The following BRINP1 variants were observed in gnomAD, a reference collection of about 807,000 sequenced individuals.
BRINP1 encodes BMP/retinoic acid inducible neural specific 1.
A neutral mutation model predicts 72.9 loss-of-function variants in BRINP1; 17 were observed. The observed-to-expected ratio is 0.23, with a 90% CI of 0.16 to 0.35. The LOEUF (loss-of-function observed/expected upper bound fraction) is 0.35. Ranked by LOEUF, BRINP1 falls within the 10% of genes least tolerant of loss-of-function variation. The probability of loss-of-function intolerance (pLI) is 1.00; values close to 1 mark genes in which losing one functional copy is unlikely to be tolerated. For synonymous variants in BRINP1, 418 were observed against 378.5 expected (o/e 1.10, Z -1.21); for missense variants, 850 against 1,001.6 (o/e 0.85, Z 2.04).
At chr9:119,343,593 T>C (rs918825032) in intron 1 of BRINP1, among the ~76,000 whole-genome samples, 4 of 152,174 alleles carry the variant, frequency 2.6e-5, no homozygotes, top group Non-Finnish European at 5.9e-5. Context: ...CTACATTTAA[T>C]ACCTTCTTCC....
chr9:119,172,246 A>G (rs567569763), intron 7 of BRINP1, among the ~76,000 whole-genome samples: 3 of 152,332 alleles, frequency 2.0e-5, no homozygotes, highest in Non-Finnish European at 4.4e-5. Flanking sequence ...CAAGACTCAT[A>G]AAGAAGAAAA....
rs12238383 is a variant in BRINP1 at position 119,220,687 on chromosome 9, T to C, written c.686-6532A>G. 4.6e-5 allele frequency among the ~76,000 whole-genome samples: 7 copies of C among 152,316 alleles called. No individual in the cohort carries two copies. In the East Asian group the frequency reaches 1.3e-3, roughly 29 times the overall value. On this transcript the variant is annotated intron_variant, in intron 5 of 7. Coordinates refer to ENST00000265922, the MANE Select transcript of BRINP1 (RefSeq NM_014618.3). The stretch of plus-strand genomic sequence containing the variant: ...TTAAAACATTAAAAGTAGTATTGTG[T>C]CTGGCACATAGTAGGTTTTTATAAA...
rs965790326 is a variant in BRINP1, at chr9:119,171,083, A to G, written c.1146-2859T>C. The stretch of plus-strand genomic sequence containing the variant: ...AAGAAACTGCATCAACTAACGAGCA[A>G]AATAACCAGCTAACATCATAATGAC... On this transcript the variant is annotated intron_variant, in intron 7 of 7. Coordinates refer to ENST00000265922, the MANE Select transcript of BRINP1 (RefSeq NM_014618.3). Among the ~76,000 whole-genome samples the G allele has an allele frequency of 4.7e-3, 708 of 150,906 alleles. 11 individuals carry two copies. The highest frequency in any genetic ancestry group is 0.016 in the African/African-American group (654 of 40,416).
intron 7 of BRINP1, among the ~76,000 whole-genome samples, chr9:119,198,962 C>T (rs185043386): frequency 1.3e-5 from 2 of 152,140 alleles, no homozygotes; most frequent in African/African-American, 4.8e-5. Context: ...CATGAGCCAC[C>T]GTGCCCAGCC....
At chr9:119,253,747 G>C (rs781274350) in intron 2 of BRINP1, among the ~76,000 whole-genome samples, 2 of 152,052 alleles carry the variant, frequency 1.3e-5, no homozygotes, top group Non-Finnish European at 2.9e-5. Context: ...GGATAGGACA[G>C]GTAGAAAGAA....
intron 7 of BRINP1, among the ~76,000 whole-genome samples, chr9:119,180,775 G>T (rs1425133905): frequency 2.0e-5 from 3 of 152,106 alleles, no homozygotes; most frequent in African/African-American, 4.8e-5. Context: ...GCCTCATTAA[G>T]TAGCTCATAA....
intron 1 of BRINP1, among the ~76,000 whole-genome samples, chr9:119,315,612 C>T (rs1484386753): frequency 6.6e-6 from 1 of 152,106 alleles, no homozygotes; most frequent in African/African-American, 2.4e-5. Flanking sequence ...CTACATCTCT[C>T]ACTTTAAATC....
chr9:119,290,380 A>C (rs1472899431), intron 2 of BRINP1, among the ~76,000 whole-genome samples: 1 of 152,232 alleles, frequency 6.6e-6, no homozygotes, highest in African/African-American at 2.4e-5. Context: ...AATTATTATT[A>C]TTATTCTTGA....
intron 5 of BRINP1, among the ~76,000 whole-genome samples, chr9:119,237,660 C>A (rs866928807): frequency 7.9e-5 from 12 of 151,004 alleles, no homozygotes; most frequent in Admixed American, 2.6e-4. Flanking sequence ...CCGCGCCTGG[C>A]CATTATTATT....
At chr9:119,196,409 T>C (rs1829738562) in intron 7 of BRINP1, among the ~76,000 whole-genome samples, 1 of 152,162 alleles carries the variant, frequency 6.6e-6, no homozygotes, top group Non-Finnish European at 1.5e-5. Context: ...AGAGATCCCA[T>C]CGATTCTCCA....
In BRINP1 at chr9:119,208,898, G is replaced by C; in HGVS notation, c.966C>G (p.Phe322Leu). 6.2e-7 allele frequency: 1 copy of C among 1,614,186 alleles called. No homozygotes were observed. The highest frequency in any genetic ancestry group is 8.5e-7 in the Non-Finnish European group (1 of 1,180,024). ...SFMKRLPSNH[F>L]LTIGSIHQHW... is the part of the protein sequence containing the mutation. ...GCTGATGGATGCTTCCGATGGTCAG[G>C]AAGTGGTTGCTGGGGAGGCGCTTCA... is the stretch of plus-strand genomic sequence containing the variant. The change falls in exon 7 of 8, where the codon TTC (phenylalanine) becomes TTG (leucine). Residue 322 changes from phenylalanine (F) to leucine (L), a missense_variant. By Grantham distance (22) the Phe-to-Leu change is conservative (BLOSUM62 0). Coordinates refer to ENST00000265922, the MANE Select transcript of BRINP1 (RefSeq NM_014618.3).
At chr9:119,184,639 G>A (rs1032026568) in intron 7 of BRINP1, among the ~76,000 whole-genome samples, 15 of 152,268 alleles carry the variant, frequency 9.9e-5, no homozygotes, top group African/African-American at 3.6e-4. Flanking sequence ...AACTTCTCCT[G>A]GGGAGAGCTG....
Position 119,369,425 on chromosome 9 carries a change from G to A in BRINP1, c.-420C>T, listed in dbSNP as rs1831732784. 1 of 395,566 alleles carries A rather than the reference G, an allele frequency of 2.5e-6. No homozygotes were observed. The highest frequency in any genetic ancestry group is 4.5e-6 in the Non-Finnish European group (1 of 224,532). 24.5% of individuals were successfully genotyped at this position (395,566 alleles called of 1,614,324 possible). A position where few individuals can be genotyped will look rare whatever the true frequency, so the allele number is the denominator to read the frequency against. On this transcript the variant is annotated 5_prime_UTR_variant, in exon 1 of 8. Transcript: ENST00000265922. ...CAGCCGTGGGGTCCGGGAGCGAGGC[G>A]GCTGGCGAATGGAGAGGGAAGTCCA... is the stretch of plus-strand genomic sequence containing the variant.
intron 5 of BRINP1, among the ~76,000 whole-genome samples, chr9:119,214,917 C>A (rs552681713): frequency 1.3e-5 from 2 of 152,196 alleles, no homozygotes; most frequent in Non-Finnish European, 2.9e-5. Flanking sequence ...TGGAGGTGCT[C>A]GTGCTGTAGA....
intron 2 of BRINP1, among the ~76,000 whole-genome samples, chr9:119,277,354 A>C (rs1830668057): frequency 6.6e-6 from 1 of 152,224 alleles, no homozygotes; most frequent in African/African-American, 2.4e-5. Context: ...TTGGTTGGTC[A>C]AAGTCAGCTT....
intron 2 of BRINP1, among the ~76,000 whole-genome samples, chr9:119,293,799 G>T (rs1339101181): frequency 6.6e-6 from 1 of 152,118 alleles, no homozygotes; most frequent in African/African-American, 2.4e-5. Flanking sequence ...AAGAGCTATG[G>T]AGTATTGTAA....
In BRINP1 at chr9:119,166,831, A is replaced by C; in HGVS notation, c.*253T>G. The C allele has an allele frequency of 2.4e-6, 1 of 418,434 alleles. No homozygotes were observed. 25.9% of individuals were successfully genotyped at this position (418,434 alleles called of 1,614,324 possible). ...TACAGCACCTGAGGCCTAAGAAGCA[A>C]CTCCCTCAATGCTCCACAAAAGGCT... On this transcript the variant is annotated 3_prime_UTR_variant, in exon 8 of 8. Coordinates refer to ENST00000265922, the MANE Select transcript of BRINP1 (RefSeq NM_014618.3).
intron 5 of BRINP1, among the ~76,000 whole-genome samples, chr9:119,236,984 A>T (rs528792410): frequency 1.1e-4 from 16 of 152,298 alleles, no homozygotes; most frequent in African/African-American, 3.8e-4. Context: ...CAAGCCCTCC[A>T]TGCATGTTAG....
At chr9:119,358,867 C>T (rs1831600757) in intron 1 of BRINP1, among the ~76,000 whole-genome samples, 1 of 152,166 alleles carries the variant, frequency 6.6e-6, no homozygotes, top group Admixed American at 6.5e-5. Flanking sequence ...TTGCGTTCTC[C>T]CACGCCTTAT....
Sources: gnomAD v4.1 joint callset for allele counts (sites outside exome capture counted in the v4.1 genomes callset) on GRCh38, gnomAD v4.1.1 for gene constraint, MANE v1.5 for transcripts, NCBI Gene and HGNC (gene_info 2026-07-23, HGNC 2026-07-21) for gene names.